Variants in CHTF8 observed in about 807,000 individuals in gnomAD.
CHTF8 encodes chromosome transmission fidelity factor 8.
A neutral mutation model predicts 11.0 loss-of-function variants in CHTF8; 6 were observed. The observed-to-expected ratio is 0.55, with a 90% CI of 0.30 to 1.08. The LOEUF is 1.08. Ranked by LOEUF, CHTF8 falls within the 50% of genes least tolerant of loss-of-function variation. CHTF8 has a pLI of 0.07. For missense variants in CHTF8, 140 were observed against 153.1 expected (o/e 0.91, Z 0.45); for synonymous variants, 53 against 60.5 (o/e 0.88, Z 0.57).
At chr16:69,127,790 A>G (rs1172668037) in intron 1 of CHTF8, among the ~76,000 whole-genome samples, 1 of 151,488 alleles carries the variant, frequency 6.6e-6, no homozygotes, top group African/African-American at 2.4e-5. Flanking sequence ...TTGTATTTTT[A>G]GTAGAGACAG....
chr16:69,120,569 G>A lies in CHTF8; in HGVS notation c.222C>T (p.Val74=). 6.2e-7 allele frequency: 1 copy of A among 1,614,146 alleles called. No homozygotes were observed. The highest frequency in any genetic ancestry group is 8.5e-7 in the Non-Finnish European group (1 of 1,180,034). ...AGTCCTGATCCCCAGGAGTGTGTTTGACAAGGACTGCAAAAGGTTTCTCCA... is the reference window on the plus strand; with the variant it reads ...AGTCCTGATCCCCAGGAGTGTGTTTAACAAGGACTGCAAAAGGTTTCTCCA... ...IHLEKPFAVL[V]KHTPGDQDCD... The change falls in exon 4 of 4, where the codon GTC becomes GTT. Residue 74 remains valine (V), a synonymous_variant. Coordinates refer to ENST00000448552, the MANE Select transcript of CHTF8 (RefSeq NM_001039690.5). The surrounding 1 kb of genome is among the most constrained non-coding windows in gnomAD (Gnocchi z 4.0).
At position 69,119,788 on chromosome 16, in the gene CHTF8, C is replaced by T. The variant is rs1167479895; in HGVS notation, c.*637G>A. The T allele has an allele frequency of 1.4e-6, 1 of 700,022 alleles. No individual in the cohort carries two copies. The highest frequency in any genetic ancestry group is 2.0e-5 in the Admixed American group (1 of 49,994). The allele number at this position is 700,022 out of a possible 1,614,324, so 43.4% of individuals were successfully genotyped here. On this transcript the variant is annotated 3_prime_UTR_variant, in exon 4 of 4. Coordinates refer to ENST00000448552, the MANE Select transcript of CHTF8 (RefSeq NM_001039690.5). ...AGGGTTTGTCCCTAAAAAGCCTGAT[C>T]TCAGATTGGGGTTTGGTCCTGGGCC...
chr16:69,124,897 T>C (rs974949876), intron 1 of CHTF8, among the ~76,000 whole-genome samples: 41 of 152,044 alleles, frequency 2.7e-4, no homozygotes, highest in African/African-American at 9.9e-4. Flanking sequence ...GAACATGAAA[T>C]TGGTCAACTC....
In CHTF8 at chr16:69,118,577, C is replaced by T. The variant is rs1961351553; in HGVS notation, c.*1848G>A. Reference sequence around the variant, plus strand: ...CAAGAAACTAGTAAGAAACAATGGGCAGAAAGCTGTGGGACGAAAGCACAG... The same window carrying T: ...CAAGAAACTAGTAAGAAACAATGGGTAGAAAGCTGTGGGACGAAAGCACAG... On this transcript the variant is annotated 3_prime_UTR_variant, in exon 4 of 4. Coordinates refer to ENST00000448552, the MANE Select transcript of CHTF8 (RefSeq NM_001039690.5). The T allele has an allele frequency of 8.0e-6, 6 of 751,326 alleles. No individual in the cohort carries two copies. Among genetic ancestry groups the T allele is most frequent in the Non-Finnish European group, 1.4e-5 (6 of 417,154 alleles). 46.5% of individuals were successfully genotyped at this position (751,326 alleles called of 1,614,324 possible).
intron 1 of CHTF8, 55 bp downstream of exon 1, chr16:69,132,429 C>G (rs1962619752): frequency 5.8e-6 from 1 of 173,496 alleles, no homozygotes; most frequent in Non-Finnish European, 1.1e-5. Context: ...CGCCCCCAAT[C>G]CCGGCTCGGC....
chr16:69,128,007 C>G (rs1962206290), intron 1 of CHTF8, among the ~76,000 whole-genome samples: 2 of 152,036 alleles, frequency 1.3e-5, no homozygotes, highest in South Asian at 4.2e-4. Flanking sequence ...CTCCGCTGCC[C>G]AGGATCAGGG....
At chr16:69,126,373 T>C (rs1171538157) in intron 1 of CHTF8, among the ~76,000 whole-genome samples, 1 of 152,198 alleles carries the variant, frequency 6.6e-6, no homozygotes, top group Non-Finnish European at 1.5e-5. Flanking sequence ...AAAACACATT[T>C]GGTTGCTGGG....
In CHTF8 at chr16:69,132,491, GGCGGCCGCCGAGCGCGGCGCCGC is replaced by G. The variant is rs1203706684; in HGVS notation, c.-66_-44del. The G allele has an allele frequency of 2.3e-5, 6 of 264,768 alleles. No individual in the cohort carries two copies. The highest frequency in any genetic ancestry group is 6.4e-5 in the South Asian group (2 of 31,200). The allele number at this position is 264,768 out of a possible 1,614,324, so 16.4% of individuals were successfully genotyped here. On this transcript the variant is annotated 5_prime_UTR_variant, in exon 1 of 4. Transcript: ENST00000448552. ...CCCCGCCCGCGGCCTGACCTGCAAT[GGCGGCCGCCGAGCGCGGCGCCGC>G]GCGGCCAACGGGCGACAACCGAACC... is the stretch of plus-strand genomic sequence containing the variant.
rs1254603695 is a variant in CHTF8 at position 69,120,699 on chromosome 16, A to C, written c.142-50T>G. The C allele has an allele frequency of 6.6e-7, 1 of 1,510,990 alleles. No homozygotes were observed. Among genetic ancestry groups the C allele is most frequent in the Non-Finnish European group, 9.1e-7 (1 of 1,098,800 alleles). 93.6% of individuals were successfully genotyped at this position (1,510,990 alleles called of 1,614,324 possible). On this transcript the variant is annotated intron_variant, in intron 3 of 3. Transcript: ENST00000448552. This position sits in a 1 kb window ranked among gnomAD's most constrained non-coding sequence, Gnocchi z 4.0. ...CCTGAGGTTCCGGGGCAAGGCCATAACACTCAGGCGCCTCCTAAAGCTGCT... is the reference window on the plus strand; with the variant it reads ...CCTGAGGTTCCGGGGCAAGGCCATACCACTCAGGCGCCTCCTAAAGCTGCT...
Position 69,119,297 on chromosome 16 carries a change from A to G in CHTF8, c.*1128T>C, listed in dbSNP as rs866642175. The G allele has an allele frequency of 1.4e-5, 10 of 702,984 alleles. No individual in the cohort carries two copies. The Middle Eastern group carries it at 6.8e-4, about 48-fold the overall frequency. 43.5% of individuals were successfully genotyped at this position (702,984 alleles called of 1,614,324 possible). On this transcript the variant is annotated 3_prime_UTR_variant, in exon 4 of 4. Transcript: ENST00000448552. ...TGGAAGGTAGCTGGGTTTGATGCCA[A>G]TGTGCCAGAAGACTGAGAAAAGGCA...
chr16:69,121,976 T>C lies in CHTF8; in HGVS notation c.-35-483A>G, dbSNP rs12598101. On this transcript the variant is annotated intron_variant, in intron 1 of 3. Coordinates refer to ENST00000448552, the MANE Select transcript of CHTF8 (RefSeq NM_001039690.5). Reference sequence around the variant, plus strand: ...GAGCCACCGCGCCCGGCCCTAGAGATGGGGTTTCACCATGTTGGCCAGGCT... The same window carrying C: ...GAGCCACCGCGCCCGGCCCTAGAGACGGGGTTTCACCATGTTGGCCAGGCT... 2.6e-3 allele frequency among the ~76,000 whole-genome samples: 394 copies of C among 151,320 alleles called. 12 individuals carry two copies. The East Asian group carries it at 0.066, about 25-fold the overall frequency.
Position 69,118,780 on chromosome 16 carries a change from C to T in CHTF8, c.*1645G>A, listed in dbSNP as rs548081155. ...TTCAGACTGTAGCTCCACAACTACC[C>T]TTTTACCTAAGACAGCCCCTGCCAA... On this transcript the variant is annotated 3_prime_UTR_variant, in exon 4 of 4. Coordinates refer to ENST00000448552, the MANE Select transcript of CHTF8 (RefSeq NM_001039690.5). The T allele has an allele frequency of 8.1e-4, 521 of 645,276 alleles. No individual in the cohort carries two copies. The highest frequency in any genetic ancestry group is 1.0e-3 in the Non-Finnish European group (375 of 358,794). The allele number at this position is 645,276 out of a possible 1,614,324, so 40.0% of individuals were successfully genotyped here.
Position 69,118,030 on chromosome 16 carries a change from A to T in CHTF8, c.*2395T>A. 2.8e-6 allele frequency: 1 copy of T among 362,760 alleles called. No individual in the cohort carries two copies. Among genetic ancestry groups the T allele is most frequent in the Non-Finnish European group, 5.1e-6 (1 of 195,412 alleles). 22.5% of individuals were successfully genotyped at this position (362,760 alleles called of 1,614,324 possible). On this transcript the variant is annotated 3_prime_UTR_variant, in exon 4 of 4. Coordinates refer to ENST00000448552, the MANE Select transcript of CHTF8 (RefSeq NM_001039690.5). ...CAGCAGCCCTCTCATCCCATTTATT[A>T]AAGAAACAGTAAGAAAAGATACAAT... is the stretch of plus-strand genomic sequence containing the variant.
rs545181130 is a variant in CHTF8, at chr16:69,127,973, G to A, written c.-36+4511C>T. On this transcript the variant is annotated intron_variant, in intron 1 of 3. Coordinates refer to ENST00000448552, the MANE Select transcript of CHTF8 (RefSeq NM_001039690.5). ...TCTGTCACTCAGGCTGGAGTGCAGT[G>A]GCGCAATCTCGGCTCACTGCAACCT... is the stretch of plus-strand genomic sequence containing the variant. 2.6e-5 allele frequency among the ~76,000 whole-genome samples: 4 copies of A among 151,780 alleles called. No individual in the cohort carries two copies. In the East Asian group the frequency reaches 7.8e-4, roughly 29 times the overall value.
chr16:69,126,812 T>C (rs1373855217), intron 1 of CHTF8, among the ~76,000 whole-genome samples: 3 of 152,238 alleles, frequency 2.0e-5, no homozygotes, highest in East Asian at 1.9e-4. Flanking sequence ...AATTCTGTTA[T>C]TTCTTTTCTT....
At chr16:69,126,926 A>G (rs1025936754) in intron 1 of CHTF8, among the ~76,000 whole-genome samples, 4 of 152,174 alleles carry the variant, frequency 2.6e-5, no homozygotes, top group East Asian at 3.8e-4. Context: ...CAGGGAGTAT[A>G]TATTTCATTC....
In CHTF8 at chr16:69,132,550, G is replaced by A. The variant is rs970980196; in HGVS notation, c.-102C>T. ...GGCGACAACCGAACCTCCCGCCGCC[G>A]TCGCCGCCGCCGCGAGCACTGCCTG... is the stretch of plus-strand genomic sequence containing the variant. On this transcript the variant is annotated 5_prime_UTR_variant, in exon 1 of 4. In the 5' UTR this introduces an upstream ATG that the reference lacks. Transcript: ENST00000448552. 6 of 363,996 alleles carry A rather than the reference G, an allele frequency of 1.6e-5. No homozygotes were observed. Among genetic ancestry groups the A allele is most frequent in the Admixed American group, 3.7e-5 (1 of 27,330 alleles). The allele number at this position is 363,996 out of a possible 1,614,324, so 22.5% of individuals were successfully genotyped here. A position where few individuals can be genotyped will look rare whatever the true frequency, so the allele number is the denominator to read the frequency against.
In CHTF8 at chr16:69,120,341, G is replaced by A; in HGVS notation, c.*84C>T. The A allele has an allele frequency of 7.3e-7, 1 of 1,375,978 alleles. No individual in the cohort carries two copies. Among genetic ancestry groups the A allele is most frequent in the Admixed American group, 1.7e-5 (1 of 57,188 alleles). The allele number at this position is 1,375,978 out of a possible 1,614,324, so 85.2% of individuals were successfully genotyped here. A position where few individuals can be genotyped will look rare whatever the true frequency, so the allele number is the denominator to read the frequency against. On this transcript the variant is annotated 3_prime_UTR_variant, in exon 4 of 4. Transcript: ENST00000448552. The surrounding 1 kb of genome is among the most constrained non-coding windows in gnomAD (Gnocchi z 4.0). The stretch of plus-strand genomic sequence containing the variant: ...AGAACAGGACCCCCCTGTGGTCCCA[G>A]GGAACCGTCGAGCCGTCCTCGAGGT...
Position 69,119,987 on chromosome 16 carries a change from C to T in CHTF8, c.*438G>A, listed in dbSNP as rs746660300. The T allele has an allele frequency of 1.4e-6, 1 of 696,970 alleles. No homozygotes were observed. Among genetic ancestry groups the T allele is most frequent in the Non-Finnish European group, 2.6e-6 (1 of 380,590 alleles). The allele number at this position is 696,970 out of a possible 1,614,324, so 43.2% of individuals were successfully genotyped here. On this transcript the variant is annotated 3_prime_UTR_variant, in exon 4 of 4. Transcript: ENST00000448552. ...ATAGGACCTGGTCCTGGGAGACCCC[C>T]TAACCTGGGGTTAGACAGAGGCCCT...
Sources: gnomAD v4.1 joint callset for allele counts (sites outside exome capture counted in the v4.1 genomes callset) on GRCh38, gnomAD v4.1.1 for gene constraint, Gnocchi (gnomAD v3.1) non-coding constraint, MANE v1.5 for transcripts, NCBI Gene and HGNC (gene_info 2026-07-23, HGNC 2026-07-21) for gene names.